Variants in GPR149 observed in about 807,000 individuals in gnomAD.
The protein encoded by GPR149 is probable G protein-coupled receptor 149.
In GPR149, 50 loss-of-function variants were observed where a neutral mutation model predicts 50.2. The ratio of observed to expected loss-of-function variants is 1.00; its 90% CI spans 0.79 to 1.26. The LOEUF is 1.26. Among genes scored for constraint, GPR149 ranks in the 50% most tolerant of loss-of-function variants. GPR149 has a pLI of 0.00. For synonymous variants in GPR149, 405 were observed against 358.2 expected (o/e 1.13, Z -1.48); for missense variants, 983 against 895.4 (o/e 1.10, Z -1.25).
intron 3 of GPR149, among the ~76,000 whole-genome samples, chr3:154,400,230 C>A (rs1711521617): frequency 6.6e-6 from 1 of 152,118 alleles, no homozygotes; most frequent in South Asian, 2.1e-4. Flanking sequence ...TCGTGATCCA[C>A]CCGCCTCGGC....
intron 3 of GPR149, among the ~76,000 whole-genome samples, chr3:154,357,132 T>C (rs1056777014): frequency 9.2e-5 from 14 of 152,178 alleles, no homozygotes; most frequent in Non-Finnish European, 1.9e-4. Context: ...TAGCCCTATG[T>C]AGAAAGCTGA....
intron 3 of GPR149, among the ~76,000 whole-genome samples, chr3:154,342,990 T>C (rs1052674849): frequency 3.3e-5 from 5 of 151,958 alleles, no homozygotes; most frequent in African/African-American, 1.2e-4. Context: ...AAGATCTACA[T>C]TTAGAAAATA....
intron 3 of GPR149, among the ~76,000 whole-genome samples, chr3:154,377,366 T>TATTATA (rs1179718490): frequency 1.4e-5 from 2 of 148,076 alleles, no homozygotes; most frequent in African/African-American, 4.9e-5. Context: ...TTATTATTAT[T>TATTATA]ATTATTATTA....
chr3:154,416,069 C>T (rs1446252557), intron 3 of GPR149, among the ~76,000 whole-genome samples: 10 of 151,714 alleles, frequency 6.6e-5, no homozygotes, highest in Non-Finnish European at 1.5e-4. Flanking sequence ...CAGAAAACAG[C>T]AATACACTGT....
intron 3 of GPR149, among the ~76,000 whole-genome samples, chr3:154,379,810 C>A (rs1372705322): frequency 6.6e-6 from 1 of 151,926 alleles, no homozygotes; most frequent in Non-Finnish European, 1.5e-5. Context: ...ATCTTTATGC[C>A]AGTCATGAAC....
rs893010416 is a variant in GPR149, at chr3:154,337,674, T to G, written c.*25A>C. On this transcript the variant is annotated 3_prime_UTR_variant, in exon 4 of 4. Transcript: ENST00000389740. Reference sequence around the variant, plus strand: ...CACAGTTGACGTTGCAGATCCATTCTTGCTCCTGTTAGACCAAATACCCAC... The same window carrying G: ...CACAGTTGACGTTGCAGATCCATTCGTGCTCCTGTTAGACCAAATACCCAC... 1.3e-6 allele frequency: 2 copies of G among 1,514,982 alleles called. No individual in the cohort carries two copies. Among genetic ancestry groups the G allele is most frequent in the African/African-American group, 2.8e-5 (2 of 72,086 alleles). 93.8% of individuals were successfully genotyped at this position (1,514,982 alleles called of 1,614,324 possible).
chr3:154,365,545 T>A (rs1047241544), intron 3 of GPR149, among the ~76,000 whole-genome samples: 1 of 152,318 alleles, frequency 6.6e-6, no homozygotes, highest in Non-Finnish European at 1.5e-5. Context: ...CCTTCTGCTC[T>A]ACTTTTGACC....
intron 3 of GPR149, among the ~76,000 whole-genome samples, chr3:154,413,987 G>A (rs1268771276): frequency 6.6e-6 from 1 of 150,896 alleles, no homozygotes; most frequent in Non-Finnish European, 1.5e-5. Flanking sequence ...GCCATAAAAA[G>A]GAACAAAATA....
At chr3:154,412,486 A>T (rs562834793) in intron 3 of GPR149, among the ~76,000 whole-genome samples, 5 of 152,156 alleles carry the variant, frequency 3.3e-5, no homozygotes, top group Admixed American at 2.6e-4. Context: ...AAGTTTCAGG[A>T]TACAAATTAA....
At chr3:154,411,302 T>C (rs1242831404) in intron 3 of GPR149, among the ~76,000 whole-genome samples, 1 of 151,576 alleles carries the variant, frequency 6.6e-6, no homozygotes, top group Non-Finnish European at 1.5e-5. Context: ...ACAAGAACAA[T>C]TCAAACCCAA....
chr3:154,348,401 A>G (rs904012216), intron 3 of GPR149, among the ~76,000 whole-genome samples: 51 of 152,180 alleles, frequency 3.4e-4, no homozygotes, highest in Non-Finnish European at 4.0e-4. Flanking sequence ...GGTCGAAAGT[A>G]AAAAAAGAAG....
chr3:154,429,894 A>G lies in GPR149; in HGVS notation c.-279T>C, dbSNP rs893404883. Reference sequence around the variant, plus strand: ...AACAAAGCAAAAACTCCTTCCCACCATCAAGTTTCAGGGAAGAAAGCCAAA... The same window carrying G: ...AACAAAGCAAAAACTCCTTCCCACCGTCAAGTTTCAGGGAAGAAAGCCAAA... On this transcript the variant is annotated 5_prime_UTR_variant, in exon 1 of 4. The change abolishes an upstream ATG in the 5' untranslated region. Coordinates refer to ENST00000389740, the MANE Select transcript of GPR149 (RefSeq NM_001038705.3). 1.3e-5 allele frequency among the ~76,000 whole-genome samples: 2 copies of G among 152,096 alleles called. No individual in the cohort carries two copies. Among genetic ancestry groups the G allele is most frequent in the Admixed American group, 1.3e-4 (2 of 15,272 alleles).
rs532195953 is a variant in GPR149, at chr3:154,352,499, C to T, written c.1624-14228G>A. ...GGAGGCACACACTGGTAATCTGAGA[C>T]GCTGTATTACTACTTAGCTTTCTAT... On this transcript the variant is annotated intron_variant, in intron 3 of 3. Transcript: ENST00000389740. 126 of 773,754 alleles carry T rather than the reference C, an allele frequency of 1.6e-4. 2 individuals carry two copies. The highest frequency in any genetic ancestry group is 8.5e-4 in the East Asian group (35 of 41,056). 47.9% of individuals were successfully genotyped at this position (773,754 alleles called of 1,614,324 possible).
intron 3 of GPR149, among the ~76,000 whole-genome samples, chr3:154,412,863 G>T (rs1711879627): frequency 6.6e-6 from 1 of 151,986 alleles, no homozygotes; most frequent in Non-Finnish European, 1.5e-5. Flanking sequence ...TAAGCAAAGA[G>T]AACAAATCTG....
chr3:154,358,600 C>G (rs993916293), intron 3 of GPR149, among the ~76,000 whole-genome samples: 2 of 152,028 alleles, frequency 1.3e-5, no homozygotes, highest in African/African-American at 2.4e-5. Flanking sequence ...AAAGCCACTA[C>G]GCAGCCTACA....
intron 2 of GPR149, 109 bp from the exon 3 acceptor site, chr3:154,421,596 A>G (rs1712149443): frequency 1.8e-6 from 1 of 545,092 alleles, no homozygotes; most frequent in Non-Finnish European, 3.0e-6. Context: ...ATTATTATAC[A>G]TTTTAAAACT....
intron 3 of GPR149, among the ~76,000 whole-genome samples, chr3:154,386,198 G>C (rs1321516468): frequency 6.6e-6 from 1 of 152,160 alleles, no homozygotes; most frequent in Non-Finnish European, 1.5e-5. Flanking sequence ...TAAGGGAATT[G>C]AGAGTCAAAA....
chr3:154,391,093 A>T (rs1715158911), intron 3 of GPR149, among the ~76,000 whole-genome samples: 1 of 152,124 alleles, frequency 6.6e-6, no homozygotes, highest in South Asian at 2.1e-4. Context: ...AACAAAAGGA[A>T]GCTAAACAGC....
chr3:154,362,582 G>A (rs1714437374), intron 3 of GPR149, among the ~76,000 whole-genome samples: 1 of 152,132 alleles, frequency 6.6e-6, no homozygotes, highest in African/African-American at 2.4e-5. Context: ...GGGCCACTCT[G>A]AGTGCTGATT....
Sources: allele counts gnomAD v4.1 joint callset (sites outside exome capture counted in the v4.1 genomes callset), GRCh38; gene constraint gnomAD v4.1.1; transcripts MANE v1.5; gene names NCBI Gene and HGNC (gene_info 2026-07-23, HGNC 2026-07-21).